Variants in PTPRD observed in about 807,000 individuals in gnomAD.
PTPRD encodes receptor-type tyrosine-protein phosphatase delta.
PTPRD carries 34 observed loss-of-function variants against 214.5 expected under a neutral mutation model. That is an observed-to-expected ratio of 0.16 (90% CI 0.12 to 0.21). PTPRD has a LOEUF of 0.21. Ranked by LOEUF, PTPRD falls within the 10% of genes least tolerant of loss-of-function variation. The probability of loss-of-function intolerance (pLI) is 1.00; values close to 1 mark genes in which losing one functional copy is unlikely to be tolerated. For missense variants in PTPRD, 2,545 were observed against 2,398.7 expected, an observed-to-expected ratio of 1.06 and a Z score of -1.27; for synonymous variants, 1,128 against 845.7, an observed-to-expected ratio of 1.33 and a Z score of -5.79.
intron 14 of PTPRD, among the ~76,000 whole-genome samples, chr9:8,591,330 C>G (rs1253465358): frequency 1.3e-5 from 2 of 152,104 alleles, no homozygotes. Flanking sequence ...CTACCCACAA[C>G]CAAGAATAAT....
chr9:8,329,787 C>T lies in PTPRD; in HGVS notation c.5534+1795G>A, dbSNP rs189667907. On this transcript the variant is annotated intron_variant, in intron 44 of 45. Transcript: ENST00000381196. ...AGTGGACTCAGCCCTGTTTGAACTTCCTGCTGGCTTTGTTTACACTGTGAG... is the reference window on the plus strand; with the variant it reads ...AGTGGACTCAGCCCTGTTTGAACTTTCTGCTGGCTTTGTTTACACTGTGAG... Among the ~76,000 whole-genome samples the T allele has an allele frequency of 7.6e-3, 1,160 of 152,244 alleles. 5 individuals are homozygous for T. Among genetic ancestry groups the T allele is most frequent in the Non-Finnish European group, 0.013 (890 of 68,020 alleles).
At chr9:9,940,032 G>T (rs1442364419) in intron 4 of PTPRD, among the ~76,000 whole-genome samples, 1 of 152,068 alleles carries the variant, frequency 6.6e-6, no homozygotes. Flanking sequence ...TTCAAATTAG[G>T]GTAACTTGAG....
At chr9:9,332,049 T>C (rs1228770962) in intron 9 of PTPRD, among the ~76,000 whole-genome samples, 1 of 152,068 alleles carries the variant, frequency 6.6e-6, no homozygotes, top group African/African-American at 2.4e-5. Flanking sequence ...GGAGTCTGCA[T>C]GGACAGCTAG....
intron 3 of PTPRD, among the ~76,000 whole-genome samples, chr9:10,056,162 A>T (rs1054616046): frequency 6.6e-6 from 1 of 151,956 alleles, no homozygotes; most frequent in African/African-American, 2.4e-5. Context: ...CTCTACTAAA[A>T]ATACAAAAAT....
intron 10 of PTPRD, among the ~76,000 whole-genome samples, chr9:9,089,469 C>T (rs779223149): frequency 6.6e-6 from 1 of 152,138 alleles, no homozygotes; most frequent in Non-Finnish European, 1.5e-5. Context: ...GCCATTTAAC[C>T]TTTCTGACCA....
At chr9:10,173,251 T>A (rs949524854) in intron 3 of PTPRD, among the ~76,000 whole-genome samples, 1 of 152,276 alleles carries the variant, frequency 6.6e-6, no homozygotes, top group South Asian at 2.1e-4. Flanking sequence ...TTGTTAGGTA[T>A]AAAAACTTTA....
chr9:9,234,186 T>G (rs753789241), intron 9 of PTPRD, among the ~76,000 whole-genome samples: 22 of 152,192 alleles, frequency 1.4e-4, no homozygotes, highest in Non-Finnish European at 2.2e-4. Flanking sequence ...TCTTAACTTC[T>G]GTGCACCTGC....
At chr9:10,182,116 C>T (rs1448416797) in intron 3 of PTPRD, among the ~76,000 whole-genome samples, 1 of 147,658 alleles carries the variant, frequency 6.8e-6, no homozygotes, top group Non-Finnish European at 1.5e-5. Context: ...AAAAAAAATC[C>T]GGGTGTGGTG....
chr9:9,415,747 A>G (rs2076804884), intron 8 of PTPRD, among the ~76,000 whole-genome samples: 1 of 152,230 alleles, frequency 6.6e-6, no homozygotes, highest in African/African-American at 2.4e-5. Context: ...CTGTTCTTTA[A>G]TAGAGACACT....
intron 11 of PTPRD, among the ~76,000 whole-genome samples, chr9:8,764,739 G>A (rs2094602076): frequency 6.6e-6 from 1 of 151,722 alleles, no homozygotes; most frequent in Non-Finnish European, 1.5e-5. Flanking sequence ...AGGTTGCAGT[G>A]AGCCGAGATT....
At chr9:10,130,073 T>A (rs1395006845) in intron 3 of PTPRD, among the ~76,000 whole-genome samples, 1 of 152,054 alleles carries the variant, frequency 6.6e-6, no homozygotes, top group East Asian at 1.9e-4. Flanking sequence ...GATAAGGATG[T>A]TTACAGACTT....
chr9:9,486,183 A>AAAAAAAAAC (rs1374918293), intron 8 of PTPRD, among the ~76,000 whole-genome samples: 3 of 135,778 alleles, frequency 2.2e-5, no homozygotes, highest in Non-Finnish European at 3.2e-5. Context: ...AAAAAAAAAA[A>AAAAAAAAAC]AAGCCTTCCC....
chr9:9,403,925 G>A (rs1016803454), intron 8 of PTPRD, among the ~76,000 whole-genome samples: 1 of 152,044 alleles, frequency 6.6e-6, no homozygotes, highest in Non-Finnish European at 1.5e-5. Flanking sequence ...ATAGCTCAAA[G>A]GAGGAATATT....
intron 11 of PTPRD, among the ~76,000 whole-genome samples, chr9:8,913,008 T>A (rs2098758374): frequency 1.3e-5 from 2 of 152,136 alleles, no homozygotes; most frequent in Admixed American, 6.6e-5. Flanking sequence ...TTTTGAAAAG[T>A]CTTTTAGGTT....
At chr9:9,379,176 A>C (rs1596681905) in intron 9 of PTPRD, among the ~76,000 whole-genome samples, 1 of 148,250 alleles carries the variant, frequency 6.7e-6, no homozygotes, top group East Asian at 2.0e-4. Context: ...ATTTTTGTGA[A>C]GGGCATAGGT....
At chr9:8,673,082 C>T (rs1006664065) in intron 12 of PTPRD, among the ~76,000 whole-genome samples, 5 of 152,006 alleles carry the variant, frequency 3.3e-5, no homozygotes, top group African/African-American at 1.2e-4. Flanking sequence ...CTAAGATATC[C>T]TTACACATCT....
intron 4 of PTPRD, among the ~76,000 whole-genome samples, chr9:9,990,001 G>T (rs188152654): frequency 8.3e-4 from 127 of 152,290 alleles, no homozygotes; most frequent in Admixed American, 8.1e-3. Flanking sequence ...CTCAACTGGG[G>T]GCTCTCCCAG....
At chr9:8,850,393 C>A (rs955934781) in intron 11 of PTPRD, among the ~76,000 whole-genome samples, 1 of 151,562 alleles carries the variant, frequency 6.6e-6, no homozygotes, top group Non-Finnish European at 1.5e-5. Context: ...GACATAGATG[C>A]CAAACATCAA....
chr9:9,406,288 G>C (rs531926101), intron 8 of PTPRD, among the ~76,000 whole-genome samples: 1 of 151,982 alleles, frequency 6.6e-6, no homozygotes, highest in Admixed American at 6.6e-5. Context: ...GCCTTCTTTT[G>C]TCTCTGTCTT....
Sources: gnomAD v4.1 joint callset for allele counts (sites outside exome capture counted in the v4.1 genomes callset) on GRCh38, gnomAD v4.1.1 for gene constraint, MANE v1.5 for transcripts, NCBI Gene and HGNC (gene_info 2026-07-23, HGNC 2026-07-21) for gene names.